The following GAD2 variants were observed in gnomAD, a reference collection of about 807,000 sequenced individuals.
GAD2 encodes the protein glutamate decarboxylase 2, also known as 65 kDa glutamic acid decarboxylase.
GAD2 carries 22 observed loss-of-function variants against 80.1 expected under a neutral mutation model. That is an observed-to-expected ratio of 0.27 (90% confidence interval 0.20 to 0.39). The LOEUF is 0.39. Among genes scored for constraint, GAD2 ranks in the 10% least tolerant of loss-of-function variants. The pLI is 1.00. For synonymous variants in GAD2, 274 were observed against 256.9 expected (o/e 1.07, Z -0.64); for missense variants, 624 against 738.4 (o/e 0.85, Z 1.80).
intron 4 of GAD2, among the ~76,000 whole-genome samples, chr10:26,222,493 A>G (rs1844465356): frequency 6.6e-6 from 1 of 152,124 alleles, no homozygotes; most frequent in African/African-American, 2.4e-5. Context: ...TGGGGAGTCA[A>G]TGAGGCAGAG....
intron 8 of GAD2, among the ~76,000 whole-genome samples, chr10:26,260,426 C>T (rs1844995326): frequency 3.3e-5 from 5 of 151,988 alleles, no homozygotes; most frequent in South Asian, 2.1e-4. Context: ...GTCAGGAGTT[C>T]GAGACCAGCC....
rs1159782514 is a variant in GAD2, at chr10:26,301,267, G to C, written c.*306G>C. The C allele has an allele frequency of 4.3e-6, 1 of 231,010 alleles. No homozygotes were observed. The highest frequency in any genetic ancestry group is 2.2e-5 in the African/African-American group (1 of 44,610). 14.3% of individuals were successfully genotyped at this position (231,010 alleles called of 1,614,324 possible). A position where few individuals can be genotyped will look rare whatever the true frequency, so the allele number is the denominator to read the frequency against. ...CAAAGCAAACTTTATTTTCACTTCA[G>C]ACTAGTAGGACTGAATAGTGCCAAA... On this transcript the variant is annotated 3_prime_UTR_variant, in exon 16 of 16. Coordinates refer to ENST00000376261, the MANE Select transcript of GAD2 (RefSeq NM_001134366.2).
chr10:26,224,445 T>C, intron 5 of GAD2, 94 bp from the exon 6 acceptor site: 2 of 815,250 alleles, frequency 2.5e-6, no homozygotes. Context: ...TAAATGTATG[T>C]TTTGAAAAAG....
At chr10:26,234,046 G>GA (rs1844639428) in intron 7 of GAD2, among the ~76,000 whole-genome samples, 1 of 152,112 alleles carries the variant, frequency 6.6e-6, no homozygotes, top group Non-Finnish European at 1.5e-5. Context: ...AACCTCAGCC[G>GA]GGTGCGGTGG....
At chr10:26,237,109 C>T (rs758947124) in intron 7 of GAD2, among the ~76,000 whole-genome samples, 9 of 152,070 alleles carry the variant, frequency 5.9e-5, no homozygotes, top group East Asian at 1.9e-4. Flanking sequence ...GCTTCTGGCA[C>T]GGGGGAGAGA....
Position 26,217,555 on chromosome 10 carries a change from T to G in GAD2, c.77-55T>G. 6.5e-7 allele frequency: 1 copy of G among 1,541,438 alleles called. No individual in the cohort carries two copies. The highest frequency in any genetic ancestry group is 8.9e-7 in the Non-Finnish European group (1 of 1,128,896). On this transcript the variant is annotated intron_variant, in intron 1 of 15. Coordinates refer to ENST00000376261, the MANE Select transcript of GAD2 (RefSeq NM_001134366.2). This position sits in a 1 kb window ranked among gnomAD's most constrained non-coding sequence, Gnocchi z 4.9. ...TTCACATAGAACGAAATTTCACACG[T>G]CCGTCTGTTGTTCTCTTTCTGCCTC...
intron 8 of GAD2, among the ~76,000 whole-genome samples, chr10:26,247,442 C>G (rs1364200839): frequency 2.6e-5 from 4 of 152,080 alleles, no homozygotes; most frequent in Non-Finnish European, 5.9e-5. Flanking sequence ...TCATTTTCCC[C>G]AGCTCCTATT....
intron 8 of GAD2, among the ~76,000 whole-genome samples, chr10:26,255,659 G>A (rs1281605581): frequency 1.4e-5 from 2 of 145,856 alleles, no homozygotes; most frequent in East Asian, 2.0e-4. Flanking sequence ...GGAGGGGGAA[G>A]GGGAAGGAAA....
rs1834359594 is a variant in GAD2, at chr10:26,304,395, TC to T, written c.*3439del. 3 of 152,330 alleles carry T rather than the reference TC, an allele frequency of 2.0e-5. No homozygotes were observed. Among genetic ancestry groups the T allele is most frequent in the African/African-American group, 4.8e-5 (2 of 41,456 alleles). The allele number at this position is 152,330 out of a possible 1,614,324, so 9.4% of individuals were successfully genotyped here. A position where few individuals can be genotyped will look rare whatever the true frequency, so the allele number is the denominator to read the frequency against. On this transcript the variant is annotated 3_prime_UTR_variant, in exon 16 of 16. Transcript: ENST00000376261. The stretch of plus-strand genomic sequence containing the variant: ...TGGTGTTTCTGAATGACATCAACAT[TC>T]CCCCAACATTACTCCATTACTAAAG...
In GAD2 at chr10:26,269,122, G is replaced by A. The variant is rs149629039; in HGVS notation, c.924G>A (p.Gly308=). The part of the protein sequence containing the change: ...SVILIKCDER[G]KMIPSDLERR... ...CTATATTTCTTTTTCCTTCCAGAGG[G>A]AAAATGATTCCATCTGATCTTGAAA... Residue 308 remains glycine (G), a synonymous_variant, in exon 9 of 16, where the codon GGG becomes GGA. Transcript: ENST00000376261. 33 of 1,589,788 alleles carry A rather than the reference G, an allele frequency of 2.1e-5. No homozygotes were observed. The African/African-American group carries it at 4.0e-4, about 19-fold the overall frequency.
chr10:26,264,672 C>T (rs2132300973), intron 8 of GAD2, among the ~76,000 whole-genome samples: 1 of 152,290 alleles, frequency 6.6e-6, no homozygotes, highest in African/African-American at 2.4e-5. Context: ...CTAATCTGCA[C>T]TGTAAGTGCA....
At chr10:26,264,067 A>T (rs922919150) in intron 8 of GAD2, among the ~76,000 whole-genome samples, 4 of 152,212 alleles carry the variant, frequency 2.6e-5, no homozygotes, top group Non-Finnish European at 4.4e-5. Context: ...CAATAACAAT[A>T]CTACTGCTAA....
At chr10:26,247,606 A>G (rs111309387) in intron 8 of GAD2, among the ~76,000 whole-genome samples, 165 of 152,148 alleles carry the variant, frequency 1.1e-3, no homozygotes, top group Non-Finnish European at 1.9e-3. Flanking sequence ...AGAAAGCTCT[A>G]AAAATCCGGC....
chr10:26,233,961 C>G (rs1844637604), intron 7 of GAD2, among the ~76,000 whole-genome samples: 1 of 152,130 alleles, frequency 6.6e-6, no homozygotes, highest in African/African-American at 2.4e-5. Flanking sequence ...CAAATGAGAG[C>G]CTTATAGAAC....
At position 26,219,284 on chromosome 10, in the gene GAD2, C is replaced by T. The variant is rs377665668; in HGVS notation, c.520+8C>T. On this transcript the variant is annotated splice_region_variant and intron_variant, in intron 4 of 15. Transcript: ENST00000376261. The stretch of plus-strand genomic sequence containing the variant: ...AATATGCAATTAAAACAGGTATTGT[C>T]TCATCGAAAATAATAAAGCTCTTTT... The T allele has an allele frequency of 2.4e-4, 349 of 1,480,654 alleles. 1 individual carries two copies. The highest frequency in any genetic ancestry group is 3.2e-4 in the Non-Finnish European group (341 of 1,080,958). The allele number at this position is 1,480,654 out of a possible 1,614,324, so 91.7% of individuals were successfully genotyped here.
At position 26,269,272 on chromosome 10, in the gene GAD2, C is replaced by A; in HGVS notation, c.975+99C>A. On this transcript the variant is annotated intron_variant, in intron 9 of 15. Transcript: ENST00000376261. ...TTTTATTTTAAAAAGAGGATCCAAG[C>A]CTCAATCTCCCAGGTTTAATGAGAA... The A allele has an allele frequency of 4.4e-6, 4 of 901,012 alleles. No individual in the cohort carries two copies. In the South Asian group the frequency reaches 7.5e-5, roughly 17 times the overall value. 55.8% of individuals were successfully genotyped at this position (901,012 alleles called of 1,614,324 possible). A position where few individuals can be genotyped will look rare whatever the true frequency, so the allele number is the denominator to read the frequency against.
Position 26,245,915 on chromosome 10 carries a change from T to C in GAD2, c.841-6T>C, listed in dbSNP as rs779427179. The C allele has an allele frequency of 6.2e-6, 10 of 1,608,496 alleles. No homozygotes were observed. The Admixed American group carries it at 1.7e-4, about 27-fold the overall frequency. ...CTAATTGCAAATATATATATTTTTT[T>C]TACAGAGTCATTTTTCTCTCAAGAA... On this transcript the variant is annotated splice_region_variant and splice_polypyrimidine_tract_variant and intron_variant, in intron 7 of 15. Coordinates refer to ENST00000376261, the MANE Select transcript of GAD2 (RefSeq NM_001134366.2).
chr10:26,218,335 A>G, intron 3 of GAD2: 1 of 253,930 alleles, frequency 3.9e-6, no homozygotes, highest in Non-Finnish European at 7.4e-6. Context: ...GGTGGGACTC[A>G]GTTTCCAAAT....
rs1834343416 is a variant in GAD2 at position 26,302,974 on chromosome 10, A to G, written c.*2013A>G. On this transcript the variant is annotated 3_prime_UTR_variant, in exon 16 of 16. Transcript: ENST00000376261. Reference sequence around the variant, plus strand: ...AAAACTGCCTGCTGAGAATAAGCACATAGCTGCCCGACTATCCGGAGCCTC... The same window carrying G: ...AAAACTGCCTGCTGAGAATAAGCACGTAGCTGCCCGACTATCCGGAGCCTC... 6.6e-6 allele frequency: 1 copy of G among 152,216 alleles called. No individual in the cohort carries two copies. The allele number at this position is 152,216 out of a possible 1,614,324, so 9.4% of individuals were successfully genotyped here.
Sources: gnomAD v4.1 joint callset for allele counts (sites outside exome capture counted in the v4.1 genomes callset) on GRCh38, gnomAD v4.1.1 for gene constraint, Gnocchi (gnomAD v3.1) non-coding constraint, MANE v1.5 for transcripts, NCBI Gene and HGNC (gene_info 2026-07-23, HGNC 2026-07-21) for gene names.